Variants in ENTREP2 observed in about 807,000 individuals in gnomAD.
The protein encoded by ENTREP2 is endosomal transmembrane epsin interactor 2, also known as protein ENTREP2.
chr15:29,280,907 C>G, the ENTREP2 span, among the ~76,000 whole-genome samples: 1 of 152,054 alleles, frequency 6.6e-6, no homozygotes, highest in East Asian at 1.9e-4. Context: ...ATTAATCCCA[C>G]ACGTTTGAGA....
chr15:29,259,822 A>G, the ENTREP2 span, among the ~76,000 whole-genome samples: 7 of 152,062 alleles, frequency 4.6e-5, no homozygotes, highest in African/African-American at 1.2e-4. Context: ...ATATATATAT[A>G]TATGAAGAAA....
chr15:29,371,044 T>C, the ENTREP2 span, among the ~76,000 whole-genome samples: 1 of 152,042 alleles, frequency 6.6e-6, no homozygotes, highest in Non-Finnish European at 1.5e-5. Flanking sequence ...ATCATCATCA[T>C]CATCATCTGT....
the ENTREP2 span, chr15:29,137,180 C>A: frequency 6.8e-7 from 1 of 1,480,870 alleles, no homozygotes; most frequent in Non-Finnish European, 8.9e-7. Context: ...CAGGATGTGA[C>A]CTCTGCGGAA....
the ENTREP2 span, among the ~76,000 whole-genome samples, chr15:29,622,557 A>C: frequency 6.6e-6 from 1 of 152,116 alleles, no homozygotes; most frequent in African/African-American, 2.4e-5. Context: ...TTTTATAAAA[A>C]ACCTAAGGAG....
chr15:29,429,143 A>T, the ENTREP2 span, among the ~76,000 whole-genome samples: 1 of 150,078 alleles, frequency 6.7e-6, no homozygotes, highest in Non-Finnish European at 1.5e-5. Context: ...CTATCTTGAG[A>T]TGTCTATCTG....
At chr15:29,645,470 C>T in the ENTREP2 span, among the ~76,000 whole-genome samples, 1 of 152,154 alleles carries the variant, frequency 6.6e-6, no homozygotes. Flanking sequence ...ATGATGCCTC[C>T]CTGCAACCTC....
the ENTREP2 span, among the ~76,000 whole-genome samples, chr15:29,439,868 A>G: frequency 6.6e-6 from 1 of 152,180 alleles, no homozygotes; most frequent in African/African-American, 2.4e-5. Context: ...TCTGGCAGAC[A>G]CCAGCTTGGC....
At chr15:29,131,368 C>T in the ENTREP2 span, among the ~76,000 whole-genome samples, 2 of 151,864 alleles carry the variant, frequency 1.3e-5, no homozygotes, top group Non-Finnish European at 2.9e-5. Context: ...ACTCAGGTTC[C>T]CTTCCACCTG....
the ENTREP2 span, among the ~76,000 whole-genome samples, chr15:29,403,948 C>T: frequency 6.6e-6 from 1 of 152,206 alleles, no homozygotes; most frequent in Non-Finnish European, 1.5e-5. Flanking sequence ...CGCTGCAGGG[C>T]CCGCAGGCTG....
At chr15:29,194,651 A>G in the ENTREP2 span, among the ~76,000 whole-genome samples, 1 of 152,158 alleles carries the variant, frequency 6.6e-6, no homozygotes. Context: ...GTACCAGAAC[A>G]GTGAATAAGA....
At chr15:29,626,223 A>G in the ENTREP2 span, among the ~76,000 whole-genome samples, 1 of 152,218 alleles carries the variant, frequency 6.6e-6, no homozygotes. Context: ...GAGTTTTCCT[A>G]GATTTCTGAT....
chr15:29,225,767 G>A, the ENTREP2 span, among the ~76,000 whole-genome samples: 2 of 152,168 alleles, frequency 1.3e-5, no homozygotes, highest in Non-Finnish European at 2.9e-5. Context: ...CAGCCCCTGC[G>A]CCTCACCCCC....
the ENTREP2 span, among the ~76,000 whole-genome samples, chr15:29,155,289 GAAA>G: frequency 0.16 from 20,982 of 127,506 alleles, 2,256 homozygotes; most frequent in African/African-American, 0.33. Flanking sequence ...CTCATAAAAA[GAAA>G]AAAAAAAAAA....
chr15:29,201,081 C>G, the ENTREP2 span, among the ~76,000 whole-genome samples: 39 of 152,192 alleles, frequency 2.6e-4, 1 homozygote, highest in African/African-American at 8.9e-4. Flanking sequence ...ACAAGAAATA[C>G]AATTGAATTT....
the ENTREP2 span, among the ~76,000 whole-genome samples, chr15:29,335,345 C>A: frequency 3.3e-5 from 5 of 152,164 alleles, no homozygotes; most frequent in African/African-American, 1.2e-4. Context: ...CTTCCCACTG[C>A]AAAGGCCTGC....
chr15:29,218,886 C>T, the ENTREP2 span, among the ~76,000 whole-genome samples: 2 of 152,002 alleles, frequency 1.3e-5, no homozygotes, highest in Admixed American at 6.6e-5. Flanking sequence ...TTGGAGAAAC[C>T]CTTCTAGATG....
At chr15:29,335,841 T>C in the ENTREP2 span, among the ~76,000 whole-genome samples, 3 of 152,308 alleles carry the variant, frequency 2.0e-5, no homozygotes, top group South Asian at 2.1e-4. Context: ...TCCTATCTCA[T>C]GAAAACATTC....
At chr15:29,515,122 A>G in the ENTREP2 span, among the ~76,000 whole-genome samples, 2 of 152,230 alleles carry the variant, frequency 1.3e-5, no homozygotes, top group East Asian at 3.8e-4. Flanking sequence ...GGGACTTCCC[A>G]AAGTCTCAAA....
the ENTREP2 span, among the ~76,000 whole-genome samples, chr15:29,502,081 A>C: frequency 6.6e-6 from 1 of 151,958 alleles, no homozygotes; most frequent in Non-Finnish European, 1.5e-5. Flanking sequence ...TTCCTATCAA[A>C]AATCTCATCG....
Sources: gnomAD v4.1 joint callset for allele counts (sites outside exome capture counted in the v4.1 genomes callset) on GRCh38, gnomAD v4.1.1 for gene constraint, MANE v1.5 for transcripts, NCBI Gene and HGNC (gene_info 2026-07-23, HGNC 2026-07-21) for gene names.